GRM5: variants seen among roughly 807,000 people sequenced by gnomAD.
GRM5 encodes glutamate metabotropic receptor 5.
GRM5 carries 19 observed loss-of-function variants against 83.1 expected under a neutral mutation model. That is an observed-to-expected ratio of 0.23 (90% CI 0.16 to 0.34). GRM5 has a LOEUF of 0.34. GRM5 is among the 10% of genes least tolerant of loss of function. The probability of loss-of-function intolerance (pLI) is 1.00; values close to 1 mark genes in which losing one functional copy is unlikely to be tolerated. For missense variants in GRM5, 1,160 were observed against 1,588.3 expected (o/e 0.73, Z 4.58); for synonymous variants, 675 against 633.6 (o/e 1.07, Z -0.98).
At chr11:88,967,213 GTA>G (rs56696998) in intron 2 of GRM5, among the ~76,000 whole-genome samples, 3,763 of 98,184 alleles carry the variant, frequency 0.038, 164 homozygotes, top group African/African-American at 0.1. Context: ...GTGTGTGTGT[GTA>G]TATATGTGTG....
chr11:88,548,512 A>G (rs1942431759), intron 8 of GRM5, among the ~76,000 whole-genome samples: 1 of 152,200 alleles, frequency 6.6e-6, no homozygotes, highest in Admixed American at 6.6e-5. Context: ...TTTAGATGCA[A>G]TTCATCAAAA....
At chr11:88,987,672 C>G (rs1363644704) in intron 2 of GRM5, among the ~76,000 whole-genome samples, 2 of 152,106 alleles carry the variant, frequency 1.3e-5, no homozygotes, top group Non-Finnish European at 2.9e-5. Flanking sequence ...TGAGAATGGG[C>G]AGACTGCCTC....
At chr11:88,950,641 A>C (rs2135678453) in intron 2 of GRM5, among the ~76,000 whole-genome samples, 1 of 152,344 alleles carries the variant, frequency 6.6e-6, no homozygotes, top group African/African-American at 2.4e-5. Context: ...CAAGACTAAG[A>C]AATTAGAAAA....
chr11:88,789,471 T>C (rs1591517586), intron 3 of GRM5, among the ~76,000 whole-genome samples: 2 of 152,304 alleles, frequency 1.3e-5, no homozygotes, highest in East Asian at 3.9e-4. Context: ...TATATAATGA[T>C]TTTCATTTTT....
At chr11:88,996,292 A>G (rs1247527130) in intron 2 of GRM5, among the ~76,000 whole-genome samples, 1 of 152,206 alleles carries the variant, frequency 6.6e-6, no homozygotes, top group African/African-American at 2.4e-5. Context: ...TAAACTTCCA[A>G]AGGACATCTC....
At chr11:89,041,729 A>C (rs1034897847) in intron 2 of GRM5, among the ~76,000 whole-genome samples, 4 of 152,184 alleles carry the variant, frequency 2.6e-5, no homozygotes, top group Non-Finnish European at 4.4e-5. Context: ...TGAATATGAA[A>C]AACTGTTTCT....
At chr11:88,655,766 A>T (rs1156411458) in intron 3 of GRM5, among the ~76,000 whole-genome samples, 1 of 151,514 alleles carries the variant, frequency 6.6e-6, no homozygotes, top group Non-Finnish European at 1.5e-5. Context: ...TAGAGTTGTG[A>T]GTTTAAAATA....
At chr11:88,822,202 GAATT>G (rs1943812200) in intron 3 of GRM5, among the ~76,000 whole-genome samples, 6 of 152,108 alleles carry the variant, frequency 3.9e-5, no homozygotes, top group Admixed American at 3.9e-4. Flanking sequence ...GTTGGAAAGA[GAATT>G]AATTAAATGA....
At chr11:88,700,622 G>C (rs557462665) in intron 3 of GRM5, among the ~76,000 whole-genome samples, 148 of 152,240 alleles carry the variant, frequency 9.7e-4, no homozygotes, top group African/African-American at 3.3e-3. Flanking sequence ...CCTTTTCACA[G>C]GGTCTCAGCT....
At chr11:88,893,834 C>T (rs1022824086) in intron 2 of GRM5, among the ~76,000 whole-genome samples, 6 of 151,968 alleles carry the variant, frequency 3.9e-5, no homozygotes, top group African/African-American at 1.4e-4. Context: ...TCCAACACCC[C>T]TTAACAGCAG....
chr11:88,942,397 C>G (rs1345215393), intron 2 of GRM5, among the ~76,000 whole-genome samples: 1 of 151,828 alleles, frequency 6.6e-6, no homozygotes, highest in Admixed American at 6.6e-5. Context: ...CTGTTTCAAA[C>G]TAAAAACAAA....
chr11:88,533,475 T>C (rs761067786), intron 8 of GRM5, among the ~76,000 whole-genome samples: 2 of 152,212 alleles, frequency 1.3e-5, no homozygotes, highest in Non-Finnish European at 2.9e-5. Flanking sequence ...TACCATTTCC[T>C]GCTTTTATCA....
intron 3 of GRM5, among the ~76,000 whole-genome samples, chr11:88,700,179 A>G (rs1940995872): frequency 6.6e-6 from 1 of 152,146 alleles, no homozygotes; most frequent in Non-Finnish European, 1.5e-5. Context: ...ACCCAGAAAG[A>G]CTGGGGAAAA....
chr11:88,720,474 C>T (rs979715935), intron 3 of GRM5, among the ~76,000 whole-genome samples: 15 of 152,002 alleles, frequency 9.9e-5, no homozygotes, highest in African/African-American at 3.4e-4. Flanking sequence ...GCGAGCCAGC[C>T]TTTTACCTTA....
chr11:88,651,553 A>T (rs1939632177), intron 4 of GRM5, among the ~76,000 whole-genome samples: 1 of 152,124 alleles, frequency 6.6e-6, no homozygotes, highest in African/African-American at 2.4e-5. Context: ...GAACTGTTAA[A>T]ATATGACATT....
intron 2 of GRM5, among the ~76,000 whole-genome samples, chr11:88,928,672 T>C (rs1945833752): frequency 6.6e-6 from 1 of 151,944 alleles, no homozygotes; most frequent in Non-Finnish European, 1.5e-5. Context: ...TTGGAAGGAC[T>C]AGTTCAAACA....
At chr11:88,752,627 A>G (rs1317315682) in intron 3 of GRM5, among the ~76,000 whole-genome samples, 1 of 152,266 alleles carries the variant, frequency 6.6e-6, no homozygotes, top group African/African-American at 2.4e-5. Flanking sequence ...AAACCAAAAA[A>G]GAGCCCAAAT....
At chr11:88,841,234 TCTC>T (rs1370018914) in intron 3 of GRM5, among the ~76,000 whole-genome samples, 2 of 152,158 alleles carry the variant, frequency 1.3e-5, no homozygotes, top group African/African-American at 2.4e-5. Context: ...AAATATTCCT[TCTC>T]CTCAGTGGTT....
At chr11:88,741,279 T>A (rs1310511444) in intron 3 of GRM5, among the ~76,000 whole-genome samples, 1 of 152,050 alleles carries the variant, frequency 6.6e-6, no homozygotes, top group Non-Finnish European at 1.5e-5. Flanking sequence ...CTTTTGCAAC[T>A]GGACCAGTAC....
Sources: gnomAD v4.1 joint callset for allele counts (sites outside exome capture counted in the v4.1 genomes callset) on GRCh38, gnomAD v4.1.1 for gene constraint, MANE v1.5 for transcripts, NCBI Gene and HGNC (gene_info 2026-07-23, HGNC 2026-07-21) for gene names.